NCKAP1L: variants seen among roughly 807,000 people sequenced by gnomAD.
The protein encoded by NCKAP1L is nck-associated protein 1-like.
Under a neutral mutation model 139.2 loss-of-function variants are expected in NCKAP1L, and 53 were observed. The observed-to-expected ratio is 0.38, with a 90% CI of 0.31 to 0.48. NCKAP1L has a LOEUF of 0.48. Ranked by LOEUF, NCKAP1L falls within the 20% of genes least tolerant of loss-of-function variation. The pLI is 0.98. For synonymous variants in NCKAP1L, 468 were observed against 499.7 expected (o/e 0.94, Z 0.85); for missense variants, 1,151 against 1,381.9 (o/e 0.83, Z 2.65).
intron 2 of NCKAP1L, among the ~76,000 whole-genome samples, chr12:54,499,886 C>T (rs544755239): frequency 6.6e-6 from 1 of 152,290 alleles, no homozygotes; most frequent in African/African-American, 2.4e-5. Context: ...AGATTTTTCA[C>T]CCATCTTTGT....
chr12:54,504,336 C>T (rs1956825212), intron 3 of NCKAP1L, among the ~76,000 whole-genome samples: 1 of 152,018 alleles, frequency 6.6e-6, no homozygotes, highest in Admixed American at 6.6e-5. Flanking sequence ...CAGTAGATCA[C>T]ATAGTGAAGA....
chr12:54,514,564 C>G (rs553203105), intron 9 of NCKAP1L, among the ~76,000 whole-genome samples: 1 of 152,262 alleles, frequency 6.6e-6, no homozygotes, highest in South Asian at 2.1e-4. Context: ...CTCAGGTGAT[C>G]CACCCACCTC....
At position 54,520,812 on chromosome 12, in the gene NCKAP1L, A is replaced by G. The variant is rs1956976308; in HGVS notation, c.1744A>G (p.Met582Val). The part of the protein sequence containing the change: ...CAHFVHCTHE[M>V]CPEEYPHLKN... Reference sequence around the variant, plus strand: ...TCACTTTGTCCACTGCACTCATGAGATGTGCCCAGAGGAGGTAGGTATCCT... The same window carrying G: ...TCACTTTGTCCACTGCACTCATGAGGTGTGCCCAGAGGAGGTAGGTATCCT... Residue 582 changes from methionine (M) to valine (V), a missense_variant, in exon 17 of 31, where the codon ATG becomes GTG. Transcript: ENST00000293373. 1 of 1,614,058 alleles carries G rather than the reference A, an allele frequency of 6.2e-7. No individual in the cohort carries two copies.
chr12:54,536,676 GA>G, intron 28 of NCKAP1L: 1 of 318,670 alleles, frequency 3.1e-6, no homozygotes, highest in South Asian at 3.7e-5. Flanking sequence ...AAAAAAAAAA[GA>G]AAAGAAAAGG....
chr12:54,537,035 C>A lies in NCKAP1L; in HGVS notation c.3165C>A (p.His1055Gln). The change falls in exon 29 of 31, where the codon CAC becomes CAA. Residue 1055 changes from histidine to glutamine, a missense_variant. By Grantham distance (24) the His-to-Gln change is conservative. Coordinates refer to ENST00000293373, the MANE Select transcript of NCKAP1L (RefSeq NM_005337.5). ...TCTACAACAAGAACATTGAAACTCA[C>A]CTCAAGGAATTTCTGGTGGTGAGTG... ...FTLYNKNIET[H>Q]LKEFLVVASV... The A allele has an allele frequency of 6.2e-7, 1 of 1,611,126 alleles. No individual in the cohort carries two copies. The highest frequency in any genetic ancestry group is 8.5e-7 in the Non-Finnish European group (1 of 1,177,466).
intron 30 of NCKAP1L, among the ~76,000 whole-genome samples, chr12:54,540,448 G>T (rs1441818934): frequency 2.0e-5 from 3 of 152,208 alleles, no homozygotes; most frequent in Non-Finnish European, 4.4e-5. Flanking sequence ...TGAGGGCAGT[G>T]CCCATGGTGG....
intron 27 of NCKAP1L, among the ~76,000 whole-genome samples, chr12:54,535,831 C>G (rs1417846531): frequency 6.6e-6 from 1 of 152,182 alleles, no homozygotes; most frequent in Non-Finnish European, 1.5e-5. Flanking sequence ...TCCATCCTAT[C>G]AGGCAGTGGA....
Position 54,544,412 on chromosome 12 carries a change from T to G in NCKAP1L, c.*1727T>G, listed in dbSNP as rs924487329. The G allele has an allele frequency of 5.3e-5, 8 of 152,194 alleles. No homozygotes were observed. Among genetic ancestry groups the G allele is most frequent in the Non-Finnish European group, 1.2e-4 (8 of 68,028 alleles). 9.4% of individuals were successfully genotyped at this position (152,194 alleles called of 1,614,324 possible). Reference sequence around the variant, plus strand: ...GGGATGGAGGGTAGACAGAATGCCTTTTTTTAAAACTGAAAATTTTATTGA... The same window carrying G: ...GGGATGGAGGGTAGACAGAATGCCTGTTTTTAAAACTGAAAATTTTATTGA... On this transcript the variant is annotated 3_prime_UTR_variant, in exon 31 of 31. Coordinates refer to ENST00000293373, the MANE Select transcript of NCKAP1L (RefSeq NM_005337.5).
intron 22 of NCKAP1L, among the ~76,000 whole-genome samples, chr12:54,529,752 C>T (rs555961149): frequency 1.4e-4 from 22 of 152,256 alleles, no homozygotes; most frequent in African/African-American, 5.1e-4. Flanking sequence ...CCTTCTACCA[C>T]CCCCACCCCA....
At chr12:54,524,827 G>A (rs1223917244) in intron 20 of NCKAP1L, among the ~76,000 whole-genome samples, 4 of 151,992 alleles carry the variant, frequency 2.6e-5, no homozygotes, top group South Asian at 2.1e-4. Context: ...GAGGATGTGC[G>A]GTGCTGGTGG....
chr12:54,516,045 G>A (rs181168317), intron 9 of NCKAP1L, among the ~76,000 whole-genome samples, 194 bp from the exon 10 acceptor site: 16 of 152,284 alleles, frequency 1.1e-4, no homozygotes, highest in Admixed American at 9.8e-4. Flanking sequence ...ATGAGGTAGA[G>A]TTGAATGATC....
chr12:54,509,890 C>A lies in NCKAP1L; in HGVS notation c.640C>A (p.Arg214=), dbSNP rs758668029. 8.8e-5 allele frequency: 142 copies of A among 1,614,046 alleles called. No homozygotes were observed. The highest frequency in any genetic ancestry group is 1.2e-4 in the Non-Finnish European group (142 of 1,180,044). The part of the protein sequence containing the change: ...ALLSLHFLFV[R]RNQGAEQWRS... ...CCTCTCTTTGCATTTCCTCTTTGTC[C>A]GAAGAAACCAGGGGGCTGAGCAGTG... Residue 214 remains arginine (R), a synonymous_variant, in exon 7 of 31, where the codon CGA becomes AGA. Transcript: ENST00000293373.
intron 22 of NCKAP1L, among the ~76,000 whole-genome samples, chr12:54,530,080 T>C (rs916840623): frequency 4.6e-5 from 7 of 152,260 alleles, no homozygotes; most frequent in African/African-American, 1.7e-4. Context: ...GACAAGACTC[T>C]GTGTCAGTGG....
At position 54,517,871 on chromosome 12, in the gene NCKAP1L, T is replaced by A. The variant is rs776986999; in HGVS notation, c.1271T>A (p.Val424Glu). 2 of 1,614,208 alleles carry A rather than the reference T, an allele frequency of 1.2e-6. No individual in the cohort carries two copies. Among genetic ancestry groups the A allele is most frequent in the South Asian group, 2.2e-5 (2 of 91,088 alleles). Residue 424 changes from valine (V) to glutamate (E), a missense_variant, in exon 13 of 31, where the codon GTG becomes GAG. Val to Glu is a moderately radical substitution (Grantham distance 121). Coordinates refer to ENST00000293373, the MANE Select transcript of NCKAP1L (RefSeq NM_005337.5). ...TCTCTGGTCCGAAGACACATCAAAG[T>A]GATACAGCAATACCACCTTCAGTAC... The part of the protein sequence containing the change: ...IRSLVRRHIK[V>E]IQQYHLQYLA...
Position 54,526,683 on chromosome 12 carries a change from T to C in NCKAP1L, c.2312T>C (p.Leu771Pro). ...DASRVIRNALLQQTQPLDSCG... is the reference protein window; with the variant it reads ...DASRVIRNALPQQTQPLDSCG... ...TCCAGAGTCATCCGCAACGCCCTCC[T>C]GCAGCAGACACAACCACTGGATTCC... Residue 771 changes from leucine (L) to proline (P), a missense_variant, in exon 21 of 31, where the codon CTG becomes CCG. Physicochemically the swap from Leu to Pro is moderately conservative, Grantham distance 98. Coordinates refer to ENST00000293373, the MANE Select transcript of NCKAP1L (RefSeq NM_005337.5). 1 of 1,614,156 alleles carries C rather than the reference T, an allele frequency of 6.2e-7. No individual in the cohort carries two copies. Among genetic ancestry groups the C allele is most frequent in the South Asian group, 1.1e-5 (1 of 91,082 alleles).
At position 54,506,793 on chromosome 12, in the gene NCKAP1L, AAAAATAT is replaced by A. The variant is rs1429607110; in HGVS notation, c.307-1058_307-1052del. 2.0e-4 allele frequency among the ~76,000 whole-genome samples: 16 copies of A among 80,604 alleles called. No individual in the cohort carries two copies. The East Asian group carries it at 3.4e-3, about 17-fold the overall frequency. The allele number at this position is 80,604 out of a possible 152,430, so 52.9% of individuals were successfully genotyped here. A position where few individuals can be genotyped will look rare whatever the true frequency, so the allele number is the denominator to read the frequency against. Reference sequence around the variant, plus strand: ...ATCTTTTGGCAACATATTAAAAAAAAAAAATATATATATATATATATATATATATATT... The same window carrying A: ...ATCTTTTGGCAACATATTAAAAAAAAATATATATATATATATATATATATT... On this transcript the variant is annotated intron_variant, in intron 3 of 30. Transcript: ENST00000293373.
intron 3 of NCKAP1L, among the ~76,000 whole-genome samples, chr12:54,502,601 T>C (rs1390225830): frequency 6.6e-6 from 1 of 152,050 alleles, no homozygotes. Context: ...AGAGCAAGAA[T>C]ATTTTCTTAC....
At chr12:54,523,368 C>G in intron 18 of NCKAP1L, 26 bp from the exon 19 acceptor site, 3 of 1,600,558 alleles carry the variant, frequency 1.9e-6, no homozygotes, top group Admixed American at 1.8e-5. Flanking sequence ...TCCCCTTTCT[C>G]CATTTACCTG....
At chr12:54,501,797 T>A (rs557661843) in intron 3 of NCKAP1L, among the ~76,000 whole-genome samples, 10 of 152,324 alleles carry the variant, frequency 6.6e-5, no homozygotes, top group Admixed American at 1.3e-4. Flanking sequence ...TATTTTTAAC[T>A]TTTTGAGGAA....
Sources: gnomAD v4.1 joint callset for allele counts (sites outside exome capture counted in the v4.1 genomes callset) on GRCh38, gnomAD v4.1.1 for gene constraint, MANE v1.5 for transcripts, NCBI Gene and HGNC (gene_info 2026-07-23, HGNC 2026-07-21) for gene names.